Variants in TXNDC16 observed in about 807,000 individuals in gnomAD.
TXNDC16 encodes thioredoxin domain-containing protein 16.
In TXNDC16, 74 loss-of-function variants were observed where a neutral mutation model predicts 85.6. That is an observed-to-expected ratio of 0.86 (90% CI 0.72 to 1.05). TXNDC16 has a LOEUF of 1.05. Among genes scored for constraint, TXNDC16 ranks in the 50% least tolerant of loss-of-function variants. The probability of loss-of-function intolerance (pLI) is 0.00; values close to 1 mark genes in which losing one functional copy is unlikely to be tolerated. For synonymous variants in TXNDC16, 335 were observed against 326.5 expected (o/e 1.03, Z -0.28); for missense variants, 959 against 947.0 (o/e 1.01, Z -0.17).
At chr14:52,464,303 C>T (rs1267598799) in intron 16 of TXNDC16, among the ~76,000 whole-genome samples, 1 of 152,280 alleles carries the variant, frequency 6.6e-6, no homozygotes, top group Non-Finnish European at 1.5e-5. Context: ...CTAGTTGCTA[C>T]CAGATTGCTT....
At chr14:52,530,376 T>C (rs1470573159) in intron 6 of TXNDC16, among the ~76,000 whole-genome samples, 2 of 27,652 alleles carry the variant, frequency 7.2e-5, no homozygotes, top group Non-Finnish European at 1.1e-4. Flanking sequence ...TATTATATAA[T>C]ATTATATATA....
At chr14:52,509,637 TATA>T (rs1024501341) in intron 9 of TXNDC16, among the ~76,000 whole-genome samples, 12 of 151,214 alleles carry the variant, frequency 7.9e-5, no homozygotes, top group Admixed American at 4.6e-4. Context: ...AAACTTAAAG[TATA>T]ATAATAATAA....
chr14:52,462,062 G>A lies in TXNDC16; in HGVS notation c.1619-4888C>T, dbSNP rs114308467. Among the ~76,000 whole-genome samples the A allele has an allele frequency of 2.8e-3, 432 of 152,238 alleles. 1 individual carries two copies. The highest frequency in any genetic ancestry group is 9.8e-3 in the African/African-American group (408 of 41,542). On this transcript the variant is annotated intron_variant, in intron 16 of 20. Transcript: ENST00000281741. ...TTTATTTTACTTTGTTAACAACTTT[G>A]AAACTAGATTTACCAAATATCACAC...
chr14:52,464,580 A>T (rs183608746), intron 16 of TXNDC16, among the ~76,000 whole-genome samples: 1 of 152,350 alleles, frequency 6.6e-6, no homozygotes, highest in East Asian at 1.9e-4. Flanking sequence ...GTGGAGGAGT[A>T]AAACACAGAC....
intron 9 of TXNDC16, among the ~76,000 whole-genome samples, chr14:52,502,936 T>A (rs10144819): frequency 0.5 from 75,835 of 152,052 alleles, 19,623 homozygotes; most frequent in East Asian, 0.7. Flanking sequence ...TATCCCGCGC[T>A]TGAGGGCTCC....
At chr14:52,443,573 T>G (rs1053189909) in intron 18 of TXNDC16, among the ~76,000 whole-genome samples, 6 of 152,268 alleles carry the variant, frequency 3.9e-5, no homozygotes, top group South Asian at 2.1e-4. Context: ...GGGAACATCA[T>G]GAAGATAGGC....
rs374529975 is a variant in TXNDC16 at position 52,495,105 on chromosome 14, C to A, written c.757-4100G>T. ...AACTATCACTGTGTAGCAAAGTACCCTAAAACCTGGTACCTTAAAATGATA... is the reference window on the plus strand; with the variant it reads ...AACTATCACTGTGTAGCAAAGTACCATAAAACCTGGTACCTTAAAATGATA... On this transcript the variant is annotated intron_variant, in intron 9 of 20. Transcript: ENST00000281741. Among the ~76,000 whole-genome samples, 7 of 152,304 alleles carry A rather than the reference C, an allele frequency of 4.6e-5. No individual in the cohort carries two copies. In the East Asian group the frequency reaches 9.6e-4, roughly 21 times the overall value.
chr14:52,536,041 C>CA (rs368372083), intron 6 of TXNDC16, among the ~76,000 whole-genome samples: 213 of 145,464 alleles, frequency 1.5e-3, no homozygotes, highest in East Asian at 3.8e-3. Flanking sequence ...AAAACAAAAA[C>CA]AAAAAAAAAA....
chr14:52,460,032 A>G (rs7142973), intron 16 of TXNDC16, among the ~76,000 whole-genome samples: 20,726 of 152,132 alleles, frequency 0.14, 1,479 homozygotes, highest in Non-Finnish European at 0.15. Flanking sequence ...CTCTTACCCA[A>G]TGCAGTCTTG....
Position 52,477,023 on chromosome 14 carries a change from G to A in TXNDC16, c.1312+5207C>T, listed in dbSNP as rs144361044. Among the ~76,000 whole-genome samples the A allele has an allele frequency of 4.6e-5, 7 of 152,268 alleles. No individual in the cohort carries two copies. In the East Asian group the frequency reaches 1.3e-3, roughly 29 times the overall value. On this transcript the variant is annotated intron_variant, in intron 14 of 20. Transcript: ENST00000281741. ...AGAAAGGATTGGGGCCCTATCTTCA[G>A]CCTCTTCAAACAAAACAATTATCAG...
chr14:52,445,208 C>G (rs1311762922), intron 18 of TXNDC16, among the ~76,000 whole-genome samples: 1 of 152,046 alleles, frequency 6.6e-6, no homozygotes, highest in Non-Finnish European at 1.5e-5. Flanking sequence ...TATGTATATG[C>G]TAAAGGAATT....
At chr14:52,512,057 C>T (rs577764159) in intron 8 of TXNDC16, among the ~76,000 whole-genome samples, 61 of 152,190 alleles carry the variant, frequency 4.0e-4, no homozygotes, top group Non-Finnish European at 6.8e-4. Flanking sequence ...CAAAATACTA[C>T]AAAATTTTAT....
At chr14:52,440,474 A>G in intron 19 of TXNDC16, 90 bp downstream of exon 19, 7 of 1,102,868 alleles carry the variant, frequency 6.3e-6, no homozygotes, top group Non-Finnish European at 8.4e-6. Flanking sequence ...AATTAACTCC[A>G]AAGAGTTAGA....
At chr14:52,548,128 T>C (rs1030816849) in intron 1 of TXNDC16, among the ~76,000 whole-genome samples, 7 of 152,156 alleles carry the variant, frequency 4.6e-5, no homozygotes, top group African/African-American at 1.2e-4. Flanking sequence ...GAGAACACCA[T>C]AGGGGAAAGC....
chr14:52,481,433 A>G (rs563223108), intron 14 of TXNDC16, among the ~76,000 whole-genome samples: 4 of 152,316 alleles, frequency 2.6e-5, no homozygotes, highest in African/African-American at 7.2e-5. Flanking sequence ...GCTTCAATGT[A>G]TAAATAAGTT....
chr14:52,482,830 T>C lies in TXNDC16; in HGVS notation c.1244A>G (p.Tyr415Cys), dbSNP rs753816719. ...TAAAGGCTCATACTCACAACCAGCA[T>C]AGAAGAGTACTATGCTGTCAGAAGC... Reference protein sequence around the residue: ...VMASDSIVLFYAGWQAVSMAF... With the variant: ...VMASDSIVLFCAGWQAVSMAF... The change falls in exon 13 of 21, where the codon TAT (tyrosine) becomes TGT (cysteine). Residue 415 changes from tyrosine (Y) to cysteine (C), a missense_variant. Physicochemically the swap from Tyr to Cys is radical, Grantham distance 194 (BLOSUM62 -2). Coordinates refer to ENST00000281741, the MANE Select transcript of TXNDC16 (RefSeq NM_020784.3). 7 of 1,607,430 alleles carry C rather than the reference T, an allele frequency of 4.4e-6. No individual in the cohort carries two copies. In the South Asian group the frequency reaches 5.6e-5, roughly 13 times the overall value.
Position 52,439,318 on chromosome 14 carries a change from C to T in TXNDC16, c.2080G>A (p.Val694Met). 6.2e-7 allele frequency: 1 copy of T among 1,613,956 alleles called. No homozygotes were observed. The highest frequency in any genetic ancestry group is 8.5e-7 in the Non-Finnish European group (1 of 1,179,962). ...ACTTGGCCACCTGAATGCAGATTCA[C>T]CAAAACAAGAAGAGGAAGGGGAGGC... ...PLPPLPLLVL[V>M]NLHSGGQVFA... The change falls in exon 20 of 21, where the codon GTG becomes ATG. Residue 694 changes from valine to methionine, a missense_variant. Physicochemically the swap from Val to Met is conservative, Grantham distance 21. Coordinates refer to ENST00000281741, the MANE Select transcript of TXNDC16 (RefSeq NM_020784.3).
At chr14:52,534,433 A>G (rs1424861357) in intron 6 of TXNDC16, among the ~76,000 whole-genome samples, 1 of 152,172 alleles carries the variant, frequency 6.6e-6, no homozygotes, top group Non-Finnish European at 1.5e-5. Context: ...CTCGTCAGCT[A>G]TCATTAGTGT....
intron 14 of TXNDC16, among the ~76,000 whole-genome samples, chr14:52,480,395 T>C (rs1051402426): frequency 1.3e-5 from 2 of 151,960 alleles, no homozygotes; most frequent in Admixed American, 6.6e-5. Flanking sequence ...ACTCACAGAA[T>C]GGGAGAAAAT....
Sources: allele counts gnomAD v4.1 joint callset (sites outside exome capture counted in the v4.1 genomes callset), GRCh38; gene constraint gnomAD v4.1.1; transcripts MANE v1.5; gene names NCBI Gene and HGNC (gene_info 2026-07-23, HGNC 2026-07-21).